Variants in MTUS2 observed in about 807,000 individuals in gnomAD.
The protein encoded by MTUS2 is microtubule associated scaffold protein 2.
MTUS2 carries 40 observed loss-of-function variants against 114.1 expected under a neutral mutation model. The ratio of observed to expected loss-of-function variants is 0.35; its 90% CI spans 0.27 to 0.46. The LOEUF (loss-of-function observed/expected upper bound fraction) is 0.46. MTUS2 is among the 20% of genes least tolerant of loss of function. The pLI is 1.00. For missense variants in MTUS2, 1,679 were observed against 1,705.4 expected, an observed-to-expected ratio of 0.98 and a Z score of 0.27; for synonymous variants, 688 against 672.0, an observed-to-expected ratio of 1.02 and a Z score of -0.37.
chr13:29,109,033 T>C (rs1029105749), intron 5 of MTUS2, among the ~76,000 whole-genome samples: 4 of 152,236 alleles, frequency 2.6e-5, no homozygotes, highest in African/African-American at 9.6e-5. Flanking sequence ...TGTGTATGTT[T>C]GAACATTTCC....
intron 8 of MTUS2, among the ~76,000 whole-genome samples, chr13:29,364,572 A>G (rs1870545207): frequency 6.6e-6 from 1 of 152,234 alleles, no homozygotes; most frequent in Non-Finnish European, 1.5e-5. Context: ...GTTAAAGGGC[A>G]GGAGAGAAGA....
chr13:29,370,962 T>C (rs1871141077), intron 8 of MTUS2, among the ~76,000 whole-genome samples: 1 of 152,190 alleles, frequency 6.6e-6, no homozygotes, highest in Non-Finnish European at 1.5e-5. Flanking sequence ...GAGTCTGTTC[T>C]TCAAGAAAAC....
intron 5 of MTUS2, among the ~76,000 whole-genome samples, chr13:29,248,596 C>A (rs994396067): frequency 1.3e-5 from 2 of 152,154 alleles, no homozygotes; most frequent in African/African-American, 4.8e-5. Context: ...TTAAGCCCCA[C>A]ATGCATTAGC....
intron 10 of MTUS2, chr13:29,482,347 C>T (rs1416002159): frequency 3.9e-5 from 6 of 152,158 alleles, no homozygotes; most frequent in East Asian, 1.9e-4. Context: ...TTTTTAAAGC[C>T]GGGACACGGC....
chr13:29,045,439 C>A (rs984646031), intron 4 of MTUS2, among the ~76,000 whole-genome samples: 5 of 152,156 alleles, frequency 3.3e-5, no homozygotes. Flanking sequence ...CTCTCAAAGG[C>A]CCCACTTACA....
chr13:29,166,702 T>C (rs1328108659), intron 5 of MTUS2, among the ~76,000 whole-genome samples: 1 of 152,246 alleles, frequency 6.6e-6, no homozygotes, highest in Non-Finnish European at 1.5e-5. Context: ...ACAATACATC[T>C]TTTTAGACTT....
At chr13:29,105,193 G>T (rs1054504979) in intron 5 of MTUS2, among the ~76,000 whole-genome samples, 1 of 152,174 alleles carries the variant, frequency 6.6e-6, no homozygotes, top group Non-Finnish European at 1.5e-5. Context: ...CTGGTCCCAA[G>T]AATTTTGGAT....
chr13:28,907,181 A>C (rs1270264522), intron 2 of MTUS2, among the ~76,000 whole-genome samples: 1 of 151,514 alleles, frequency 6.6e-6, no homozygotes, highest in Non-Finnish European at 1.5e-5. Flanking sequence ...GAAATAAAAT[A>C]CTTTACAGAC....
intron 8 of MTUS2, among the ~76,000 whole-genome samples, chr13:29,379,791 T>C (rs1872063105): frequency 6.6e-6 from 1 of 152,172 alleles, no homozygotes. Context: ...ATTATGGCAT[T>C]TTACTCTTTA....
chr13:29,097,349 A>C (rs1890220487), intron 4 of MTUS2, among the ~76,000 whole-genome samples: 1 of 152,166 alleles, frequency 6.6e-6, no homozygotes, highest in African/African-American at 2.4e-5. Context: ...TGTTTGTTTC[A>C]CTGGGAAGAG....
At chr13:29,393,262 C>T (rs1348619052) in intron 8 of MTUS2, among the ~76,000 whole-genome samples, 2 of 152,212 alleles carry the variant, frequency 1.3e-5, no homozygotes, top group Non-Finnish European at 2.9e-5. Flanking sequence ...TGAGAAGTAG[C>T]ACAGTGAGTC....
intron 5 of MTUS2, among the ~76,000 whole-genome samples, chr13:29,273,745 G>T (rs1051574248): frequency 2.0e-5 from 3 of 152,068 alleles, no homozygotes; most frequent in African/African-American, 7.3e-5. Flanking sequence ...TCAACTTTCT[G>T]TCTCTCTGTC....
At chr13:29,235,043 T>C (rs1039882269) in intron 5 of MTUS2, among the ~76,000 whole-genome samples, 3 of 152,184 alleles carry the variant, frequency 2.0e-5, no homozygotes, top group Non-Finnish European at 2.9e-5. Context: ...CTTAGTATGT[T>C]AATATCATCT....
rs569325599 is a variant in MTUS2 at position 29,235,064 on chromosome 13, G to A, written c.2645-46640G>A. 3.3e-4 allele frequency among the ~76,000 whole-genome samples: 50 copies of A among 151,838 alleles called. 1 individual carries two copies. Among genetic ancestry groups the A allele is most frequent in the Non-Finnish European group, 3.1e-4 (21 of 67,996 alleles). On this transcript the variant is annotated intron_variant, in intron 5 of 15. Transcript: ENST00000612955. ...ATGTTAATATCATCTGCAAGTAATG[G>A]TAATTTTTCAAATTTAATTTAGTTA... is the stretch of plus-strand genomic sequence containing the variant.
In MTUS2 at chr13:29,026,509, A is replaced by G. The variant is rs765345654; in HGVS notation, c.1811A>G (p.His604Arg). Residue 604 changes from histidine (H) to arginine (R), a missense_variant, in exon 3 of 16, where the codon CAT becomes CGT. Around this residue, in one of 3 missense-constraint regions of MTUS2, gnomAD observed 843 missense variants for 770.8 expected, o/e 1.09. Coordinates refer to ENST00000612955, the MANE Select transcript of MTUS2 (RefSeq NM_001033602.4). ...GGGATCCCCAAGCCTGTCTTCACAC[A>G]TTCCAAGGACACACCTTCCTCGCAG... Reference protein sequence around the residue: ...PSGIPKPVFTHSKDTPSSQEG... With the variant: ...PSGIPKPVFTRSKDTPSSQEG... 2.5e-6 allele frequency: 4 copies of G among 1,614,002 alleles called. No individual in the cohort carries two copies. The highest frequency in any genetic ancestry group is 2.5e-6 in the Non-Finnish European group (3 of 1,179,886).
At chr13:29,494,112 A>C (rs992897100) in intron 12 of MTUS2, among the ~76,000 whole-genome samples, 15 of 152,340 alleles carry the variant, frequency 9.8e-5, no homozygotes, top group African/African-American at 3.6e-4. Flanking sequence ...TGTAAACCTT[A>C]GTTTACTCTT....
At chr13:29,050,645 G>C (rs893124102) in intron 4 of MTUS2, among the ~76,000 whole-genome samples, 2 of 152,182 alleles carry the variant, frequency 1.3e-5, no homozygotes, top group East Asian at 1.9e-4. Context: ...GTAACTGCCT[G>C]ATCTTTCACT....
At position 28,920,473 on chromosome 13, in the gene MTUS2, T is replaced by C. The variant is rs529727430; in HGVS notation, c.-243+80623T>C. Among the ~76,000 whole-genome samples the C allele has an allele frequency of 7.2e-5, 11 of 152,320 alleles. No homozygotes were observed. In the South Asian group the frequency reaches 1.0e-3, roughly 14 times the overall value. On this transcript the variant is annotated intron_variant, in intron 2 of 15. Transcript: ENST00000612955. ...GTGAGGGGACACTGTGCCCCTTGGC[T>C]ACCACCACTGGAATTGTGTTAATAT...
At chr13:29,374,032 A>T (rs1871389931) in intron 8 of MTUS2, among the ~76,000 whole-genome samples, 1 of 152,246 alleles carries the variant, frequency 6.6e-6, no homozygotes, top group Non-Finnish European at 1.5e-5. Flanking sequence ...AAAGATACAC[A>T]GAAGAAACAA....
Sources: allele counts gnomAD v4.1 joint callset (sites outside exome capture counted in the v4.1 genomes callset), GRCh38; gene constraint gnomAD v4.1.1; regional missense constraint gnomAD v4.1.1; transcripts MANE v1.5; gene names NCBI Gene and HGNC (gene_info 2026-07-23, HGNC 2026-07-21).